STIM1: variants seen among roughly 807,000 people sequenced by gnomAD.
STIM1 encodes the protein stromal interaction molecule 1.
A neutral mutation model predicts 74.7 loss-of-function variants in STIM1; 25 were observed. The observed-to-expected ratio is 0.33, with a 90% CI of 0.24 to 0.47. STIM1 has a LOEUF of 0.47. Ranked by LOEUF, STIM1 falls within the 20% of genes least tolerant of loss-of-function variation. The pLI, the probability that STIM1 is intolerant of heterozygous loss-of-function variation, is 1.00. For missense variants in STIM1, 728 were observed against 920.8 expected (o/e 0.79, Z 2.71); for synonymous variants, 328 against 348.8 (o/e 0.94, Z 0.66).
At chr11:3,999,958 A>G (rs1677367956) in intron 2 of STIM1, among the ~76,000 whole-genome samples, 1 of 152,102 alleles carries the variant, frequency 6.6e-6, no homozygotes, top group Non-Finnish European at 1.5e-5. Flanking sequence ...GGAGGGTCCT[A>G]CGCCCATGGA....
intron 1 of STIM1, among the ~76,000 whole-genome samples, chr11:3,947,155 A>C (rs1044833496): frequency 6.7e-6 from 1 of 148,380 alleles, no homozygotes; most frequent in African/African-American, 2.5e-5. Flanking sequence ...TTTCTGTGAC[A>C]GTTAACAGCT....
intron 2 of STIM1, among the ~76,000 whole-genome samples, chr11:4,004,430 C>T (rs1315789510): frequency 8.0e-5 from 12 of 150,910 alleles, no homozygotes; most frequent in Non-Finnish European, 1.2e-4. Flanking sequence ...GAAATAACGC[C>T]GCATATCTAC....
intron 2 of STIM1, among the ~76,000 whole-genome samples, chr11:4,016,589 C>T (rs1173918961): frequency 6.6e-6 from 1 of 152,268 alleles, no homozygotes; most frequent in Non-Finnish European, 1.5e-5. Flanking sequence ...TCAGAGCTGT[C>T]AGGCAGGGAC....
chr11:3,937,435 C>T (rs2092948265), intron 1 of STIM1, among the ~76,000 whole-genome samples: 1 of 152,022 alleles, frequency 6.6e-6, no homozygotes, highest in Non-Finnish European at 1.5e-5. Flanking sequence ...TTATTCAATC[C>T]AAAGGGGTCA....
At chr11:4,021,830 C>T (rs1036248745) in intron 2 of STIM1, among the ~76,000 whole-genome samples, 2 of 152,042 alleles carry the variant, frequency 1.3e-5, no homozygotes, top group Admixed American at 1.3e-4. Context: ...GGTATCTTTC[C>T]ATTTATTTGT....
At chr11:3,884,113 C>T (rs935988452) in intron 1 of STIM1, among the ~76,000 whole-genome samples, 4 of 152,130 alleles carry the variant, frequency 2.6e-5, no homozygotes, top group Admixed American at 6.5e-5. Context: ...GAAGGCCTCT[C>T]ATTGGATGGC....
intron 2 of STIM1, chr11:3,973,994 C>T: frequency 1.5e-6 from 1 of 679,938 alleles, no homozygotes; most frequent in Non-Finnish European, 2.7e-6. Context: ...TGATACAGCT[C>T]TTCTGTCCAC....
intron 1 of STIM1, among the ~76,000 whole-genome samples, chr11:3,887,090 G>C (rs1348352377): frequency 2.0e-5 from 3 of 152,066 alleles, no homozygotes; most frequent in Admixed American, 6.6e-5. Flanking sequence ...AGGATGAAAA[G>C]GGTCCAGGGA....
chr11:3,894,563 A>G (rs935501980), intron 1 of STIM1, among the ~76,000 whole-genome samples: 1 of 152,122 alleles, frequency 6.6e-6, no homozygotes, highest in African/African-American at 2.4e-5. Flanking sequence ...TCCATAGCCT[A>G]CAGGTTCTCT....
intron 1 of STIM1, among the ~76,000 whole-genome samples, chr11:3,895,674 CCTTCCTTCCTTCTTTCTTTCTTTCT>C (rs2092076829): frequency 2.2e-4 from 10 of 46,406 alleles, no homozygotes; most frequent in Middle Eastern, 7.9e-3. Flanking sequence ...TTCTTTCTTT[CCTTCCTTCCTTCTTTCTTTCTTTCT>C]TTCTTTCTTT....
At chr11:3,976,175 A>AGCAAAAACAAAAG in intron 2 of STIM1, among the ~76,000 whole-genome samples, 1 of 152,222 alleles carries the variant, frequency 6.6e-6, no homozygotes. Context: ...TGTGGGGAAA[A>AGCAAAAACAAAAG]GCAAAAACAA....
At chr11:4,056,185 T>G (rs2094288694) in intron 4 of STIM1, among the ~76,000 whole-genome samples, 1 of 152,150 alleles carries the variant, frequency 6.6e-6, no homozygotes, top group Admixed American at 6.5e-5. Flanking sequence ...AGCTTATTTA[T>G]AATAAAAATG....
intron 3 of STIM1, among the ~76,000 whole-genome samples, chr11:4,052,056 G>A (rs2094247029): frequency 6.6e-6 from 1 of 152,166 alleles, no homozygotes. Context: ...CAAGGGATGT[G>A]AAGCACCTCT....
chr11:3,874,969 T>A (rs906039951), intron 1 of STIM1, among the ~76,000 whole-genome samples: 6 of 151,980 alleles, frequency 3.9e-5, no homozygotes, highest in Non-Finnish European at 7.4e-5. Flanking sequence ...TTTTTTTTTT[T>A]AATTTTTATT....
chr11:3,936,147 T>C (rs529599097), intron 1 of STIM1, among the ~76,000 whole-genome samples: 1 of 152,348 alleles, frequency 6.6e-6, no homozygotes, highest in Non-Finnish European at 1.5e-5. Context: ...TTTGTTATCC[T>C]TATTCTACAA....
chr11:3,997,964 G>T (rs958321889), intron 2 of STIM1, among the ~76,000 whole-genome samples: 5 of 152,142 alleles, frequency 3.3e-5, no homozygotes, highest in Non-Finnish European at 7.4e-5. Context: ...ACTTTATATA[G>T]CAAGCACTTA....
rs1474193496 is a variant in STIM1, at chr11:3,892,349, A to C, written c.139+35940A>C. Reference sequence around the variant, plus strand: ...GGAGGGGTGCTCTCCTGACCTACAGAAGGAATGGTCTGGTGGCTAAGATAA... The same window carrying C: ...GGAGGGGTGCTCTCCTGACCTACAGCAGGAATGGTCTGGTGGCTAAGATAA... On this transcript the variant is annotated intron_variant, in intron 1 of 12. Transcript: ENST00000526596. The C allele has an allele frequency of 1.0e-5, 12 of 1,170,428 alleles. No individual in the cohort carries two copies. The African/African-American group carries it at 1.8e-4, about 17-fold the overall frequency. The allele number at this position is 1,170,428 out of a possible 1,614,324, so 72.5% of individuals were successfully genotyped here. A position where few individuals can be genotyped will look rare whatever the true frequency, so the allele number is the denominator to read the frequency against.
At chr11:4,053,372 A>G (rs188833646) in intron 3 of STIM1, among the ~76,000 whole-genome samples, 85 of 152,380 alleles carry the variant, frequency 5.6e-4, no homozygotes, top group African/African-American at 2.0e-3. Context: ...AAGATGTGGC[A>G]CATATACACC....
At chr11:3,873,073 C>T (rs2091173605) in intron 1 of STIM1, among the ~76,000 whole-genome samples, 1 of 151,910 alleles carries the variant, frequency 6.6e-6, no homozygotes, top group Admixed American at 6.6e-5. Context: ...CTCAGCCTTC[C>T]AAGCTGGGAC....
Sources: allele counts gnomAD v4.1 joint callset (sites outside exome capture counted in the v4.1 genomes callset), GRCh38; gene constraint gnomAD v4.1.1; transcripts MANE v1.5; gene names NCBI Gene and HGNC (gene_info 2026-07-23, HGNC 2026-07-21).